SPRN: variants seen among roughly 807,000 people sequenced by gnomAD.
The protein encoded by SPRN is shadow of prion protein.
For missense variants in SPRN, 312 were observed against 241.4 expected (o/e 1.29, Z -1.94); for synonymous variants, 182 against 123.4 (o/e 1.48, Z -3.15).
rs1174834823 is a variant in SPRN at position 133,422,144 on chromosome 10, T to TG, written c.*1081dup. ...TTGGATGTTGGGGGGCTCAGCCTCT[T>TG]GCATGGGTGTCCTGCTGGGCGCTGG... On this transcript the variant is annotated 3_prime_UTR_variant, in exon 2 of 2. Transcript: ENST00000685335. 6.5e-6 allele frequency: 1 copy of TG among 152,822 alleles called. No individual in the cohort carries two copies. The highest frequency in any genetic ancestry group is 1.5e-5 in the Non-Finnish European group (1 of 68,434). The allele number at this position is 152,822 out of a possible 1,614,324, so 9.5% of individuals were successfully genotyped here.
At chr10:133,424,337 A>AGC (rs1431412198) in intron 1 of SPRN, 136 bp downstream of exon 1, 4 of 143,048 alleles carry the variant, frequency 2.8e-5, no homozygotes, top group African/African-American at 8.3e-5. Context: ...CGCCTAGTTC[A>AGC]GCAGCTGGCT....
rs1362089168 is a variant in SPRN, at chr10:133,421,443, C to G, written c.*1783G>C. ...CAAAGTTGAGGGGGCTCCGGTGGGTCTCTCTGCTGTGAGGAGACTCAGACC... is the reference window on the plus strand; with the variant it reads ...CAAAGTTGAGGGGGCTCCGGTGGGTGTCTCTGCTGTGAGGAGACTCAGACC... On this transcript the variant is annotated 3_prime_UTR_variant, in exon 2 of 2. Coordinates refer to ENST00000685335, the MANE Select transcript of SPRN (RefSeq NM_001391974.1). The G allele has an allele frequency of 2.6e-5, 4 of 153,012 alleles. No individual in the cohort carries two copies. The highest frequency in any genetic ancestry group is 1.9e-4 in the East Asian group (1 of 5,190). 9.5% of individuals were successfully genotyped at this position (153,012 alleles called of 1,614,324 possible). A position where few individuals can be genotyped will look rare whatever the true frequency, so the allele number is the denominator to read the frequency against.
Position 133,421,533 on chromosome 10 carries a change from T to C in SPRN, c.*1693A>G, listed in dbSNP as rs1850235815. 1 of 153,112 alleles carries C rather than the reference T, an allele frequency of 6.5e-6. No homozygotes were observed. Among genetic ancestry groups the C allele is most frequent in the African/African-American group, 2.4e-5 (1 of 41,580 alleles). 9.5% of individuals were successfully genotyped at this position (153,112 alleles called of 1,614,324 possible). A position where few individuals can be genotyped will look rare whatever the true frequency, so the allele number is the denominator to read the frequency against. On this transcript the variant is annotated 3_prime_UTR_variant, in exon 2 of 2. Transcript: ENST00000685335. Reference sequence around the variant, plus strand: ...TGCCTATGAGGATCTGGGGCAGGGCTTGGCCTTGGCCTGCTGGTCTTGGAG... The same window carrying C: ...TGCCTATGAGGATCTGGGGCAGGGCCTGGCCTTGGCCTGCTGGTCTTGGAG...
In SPRN at chr10:133,423,480, C is replaced by T. The variant is rs1228427994; in HGVS notation, c.202G>A (p.Ala68Thr). 2.6e-6 allele frequency: 3 copies of T among 1,158,596 alleles called. No individual in the cohort carries two copies. The highest frequency in any genetic ancestry group is 9.6e-5 in the Admixed American group (2 of 20,734). 71.8% of individuals were successfully genotyped at this position (1,158,596 alleles called of 1,614,324 possible). A position where few individuals can be genotyped will look rare whatever the true frequency, so the allele number is the denominator to read the frequency against. The change falls in exon 2 of 2, where the codon GCC becomes ACC. Residue 68 changes from alanine (A) to threonine (T), a missense_variant. Physicochemically the swap from Ala to Thr is moderately conservative, Grantham distance 58. Coordinates refer to ENST00000685335, the MANE Select transcript of SPRN (RefSeq NM_001391974.1). The part of the protein sequence containing the change: ...GAPGSSLRVA[A>T]AGAAAGAAAG... ...GCCGCCCCGGCTGCCGCCCCGGCGG[C>T]AGCCACGCGCAGGGAGGAGCCCGGG...
rs75557166 is a variant in SPRN at position 133,423,686 on chromosome 10, G to C, written c.-5C>G. 6.4e-7 allele frequency: 1 copy of C among 1,561,166 alleles called. No homozygotes were observed. The highest frequency in any genetic ancestry group is 8.7e-7 in the Non-Finnish European group (1 of 1,155,910). ...CGTTGCGGGTGCCCAGTTCATCTTCGTGGGGCTAAACCTGCGGGAAGAGAG... is the reference window on the plus strand; with the variant it reads ...CGTTGCGGGTGCCCAGTTCATCTTCCTGGGGCTAAACCTGCGGGAAGAGAG... On this transcript the variant is annotated 5_prime_UTR_variant, in exon 2 of 2. Coordinates refer to ENST00000685335, the MANE Select transcript of SPRN (RefSeq NM_001391974.1).
In SPRN at chr10:133,424,567, T is replaced by G. The variant is rs1437996280; in HGVS notation, c.-111A>C. ...AGCGGGCGGGCGGCGGCGCGGACCC[T>G]CAGCCGGAGCGCGGAGCCGCGGCGC... On this transcript the variant is annotated 5_prime_UTR_variant, in exon 1 of 2. Transcript: ENST00000685335. The G allele has an allele frequency of 1.4e-5, 2 of 139,710 alleles. No individual in the cohort carries two copies. Among genetic ancestry groups the G allele is most frequent in the Non-Finnish European group, 3.0e-5 (2 of 66,272 alleles). The allele number at this position is 139,710 out of a possible 1,614,324, so 8.7% of individuals were successfully genotyped here.
Position 133,423,504 on chromosome 10 carries a change from G to A in SPRN, c.178C>T (p.Pro60Ser). The A allele has an allele frequency of 3.4e-6, 4 of 1,173,222 alleles. No homozygotes were observed. The highest frequency in any genetic ancestry group is 4.2e-6 in the Non-Finnish European group (4 of 953,620). 72.7% of individuals were successfully genotyped at this position (1,173,222 alleles called of 1,614,324 possible). ...GCAGCCACGCGCAGGGAGGAGCCCG[G>A]GGCACCGTAGCGCTGCGCCGGCCTC... ...RVRPAQRYGA[P>S]GSSLRVAAAG... is the part of the protein sequence containing the mutation. The change falls in exon 2 of 2, where the codon CCG (proline) becomes TCG (serine). Residue 60 changes from proline to serine, a missense_variant. Transcript: ENST00000685335.
intron 1 of SPRN, among the ~76,000 whole-genome samples, chr10:133,423,987 T>G (rs1299746945): frequency 2.1e-3 from 9 of 4,238 alleles, no homozygotes; most frequent in East Asian, 0.018. Context: ...TTCAGGCCTC[T>G]GGGGGCGTCC....
chr10:133,423,974 G>A (rs1850311705), intron 1 of SPRN, among the ~76,000 whole-genome samples: 1 of 130,960 alleles, frequency 7.6e-6, no homozygotes, highest in Non-Finnish European at 1.7e-5. Context: ...CGGGGCAGGA[G>A]CGTTCAGGCC....
In SPRN at chr10:133,423,640, C is replaced by T. The variant is rs779497630; in HGVS notation, c.42G>A (p.Ala14=). The T allele has an allele frequency of 1.9e-6, 3 of 1,582,050 alleles. No homozygotes were observed. Among genetic ancestry groups the T allele is most frequent in the Admixed American group, 1.7e-5 (1 of 57,798 alleles). The part of the protein sequence containing the change: ...APATCWALLL[A]AAFLCDSGAA... ...CGCCGCTGTCGCAGAGGAAGGCGGC[C>T]GCCAGTAGCAGAGCCCAGCACGTTG... The change falls in exon 2 of 2, where the codon GCG becomes GCA. Residue 14 remains alanine, a synonymous_variant. Transcript: ENST00000685335.
Position 133,423,598 on chromosome 10 carries a change from G to T in SPRN, c.84C>A (p.Arg28=). The T allele has an allele frequency of 6.7e-7, 1 of 1,503,358 alleles. No individual in the cohort carries two copies. Among genetic ancestry groups the T allele is most frequent in the Non-Finnish European group, 8.9e-7 (1 of 1,129,848 alleles). The allele number at this position is 1,503,358 out of a possible 1,614,324, so 93.1% of individuals were successfully genotyped here. A position where few individuals can be genotyped will look rare whatever the true frequency, so the allele number is the denominator to read the frequency against. The change falls in exon 2 of 2, where the codon CGC becomes CGA. Residue 28 remains arginine, a synonymous_variant. Coordinates refer to ENST00000685335, the MANE Select transcript of SPRN (RefSeq NM_001391974.1). ...LCDSGAAKGG[R]GGARGSARGG... ...CCCGGGCACTGCCCCGCGCACCTCC[G>T]CGGCCGCCCTTGGCTGCGCCGCTGT...
chr10:133,423,947 G>C lies in SPRN; in HGVS notation c.-16-250C>G, dbSNP rs1850311136. On this transcript the variant is annotated intron_variant, in intron 1 of 1. Coordinates refer to ENST00000685335, the MANE Select transcript of SPRN (RefSeq NM_001391974.1). ...TCTGCACCTGAAGGTTGTGCACCTGGATTGGGGGTGTAGAAGCGGGGCAGG... is the reference window on the plus strand; with the variant it reads ...TCTGCACCTGAAGGTTGTGCACCTGCATTGGGGGTGTAGAAGCGGGGCAGG... Among the ~76,000 whole-genome samples the C allele has an allele frequency of 2.0e-5, 3 of 150,706 alleles. No homozygotes were observed. The South Asian group carries it at 6.3e-4, about 32-fold the overall frequency.
Position 133,423,207 on chromosome 10 carries a change from T to C in SPRN, c.*19A>G. On this transcript the variant is annotated 3_prime_UTR_variant, in exon 2 of 2. Coordinates refer to ENST00000685335, the MANE Select transcript of SPRN (RefSeq NM_001391974.1). ...GGCGCGGGCCGGGGGCCAGATGTGG[T>C]CCCCGAGCCCAGCCAGGCCTAGGGC... 2.9e-6 allele frequency: 4 copies of C among 1,401,098 alleles called. No individual in the cohort carries two copies. Among genetic ancestry groups the C allele is most frequent in the Non-Finnish European group, 3.7e-6 (4 of 1,076,562 alleles). The allele number at this position is 1,401,098 out of a possible 1,614,324, so 86.8% of individuals were successfully genotyped here. A position where few individuals can be genotyped will look rare whatever the true frequency, so the allele number is the denominator to read the frequency against.
At chr10:133,423,841 G>A in intron 1 of SPRN, 144 bp from the exon 2 acceptor site, 1 of 472,640 alleles carries the variant, frequency 2.1e-6, no homozygotes, top group African/African-American at 2.9e-5. Context: ...ACTGAGGCCT[G>A]GGGGGGCGCG....
At chr10:133,423,720 C>A in intron 1 of SPRN, 23 bp from the exon 2 acceptor site, 2 of 1,480,106 alleles carry the variant, frequency 1.4e-6, no homozygotes, top group Non-Finnish European at 1.8e-6. Context: ...AGGGAAAGGG[C>A]CCTTAGTTTC....
rs1405770274 is a variant in SPRN, at chr10:133,423,478, GGCAGCC to G, written c.198_203del (p.Ala68_Ala69del). 6.9e-6 allele frequency: 8 copies of G among 1,160,462 alleles called. No homozygotes were observed. In the East Asian group the frequency reaches 3.3e-4, roughly 47 times the overall value. 71.9% of individuals were successfully genotyped at this position (1,160,462 alleles called of 1,614,324 possible). A position where few individuals can be genotyped will look rare whatever the true frequency, so the allele number is the denominator to read the frequency against. ...CCGCCGCCCCGGCTGCCGCCCCGGCGGCAGCCACGCGCAGGGAGGAGCCCGGGGCAC... is the reference window on the plus strand; with the variant it reads ...CCGCCGCCCCGGCTGCCGCCCCGGCGACGCGCAGGGAGGAGCCCGGGGCAC... On this transcript the variant is annotated inframe_deletion, in exon 2 of 2. Transcript: ENST00000685335.
chr10:133,423,268 C>T lies in SPRN; in HGVS notation c.414G>A (p.Val138=), dbSNP rs767005740. The change falls in exon 2 of 2, where the codon GTG becomes GTA. Residue 138 remains valine (V), a synonymous_variant. Transcript: ENST00000685335. ...GPTRGPRLCL[V]LGGALGALGL... Reference sequence around the variant, plus strand: ...CCAGGGCTCCGAGGGCGCCGCCCAGCACGAGACAGAGACGCGGGCCGCGCG... The same window carrying T: ...CCAGGGCTCCGAGGGCGCCGCCCAGTACGAGACAGAGACGCGGGCCGCGCG... 2.0e-6 allele frequency: 3 copies of T among 1,502,878 alleles called. No individual in the cohort carries two copies. The highest frequency in any genetic ancestry group is 2.7e-6 in the Non-Finnish European group (3 of 1,129,762). 93.1% of individuals were successfully genotyped at this position (1,502,878 alleles called of 1,614,324 possible).
chr10:133,423,493 G>C lies in SPRN; in HGVS notation c.189C>G (p.Ser63=), dbSNP rs1850298895. The change falls in exon 2 of 2, where the codon TCC becomes TCG. Residue 63 remains serine, a synonymous_variant. Transcript: ENST00000685335. ...CCGCCCCGGCGGCAGCCACGCGCAG[G>C]GAGGAGCCCGGGGCACCGTAGCGCT... The part of the protein sequence containing the change: ...PAQRYGAPGS[S]LRVAAAGAAA... The C allele has an allele frequency of 8.6e-7, 1 of 1,164,310 alleles. No homozygotes were observed. Among genetic ancestry groups the C allele is most frequent in the African/African-American group, 1.6e-5 (1 of 61,164 alleles). The allele number at this position is 1,164,310 out of a possible 1,614,324, so 72.1% of individuals were successfully genotyped here. A position where few individuals can be genotyped will look rare whatever the true frequency, so the allele number is the denominator to read the frequency against.
chr10:133,421,900 C>CGGGGGGGGGGGGGGGGGGGGGG lies in SPRN; in HGVS notation c.*1325_*1326insCCCCCCCCCCCCCCCCCCCCCC, dbSNP rs147046336. ...TGGAGAGGGTGAGATCCCAAGGCCACGGCGGGGGGCAGGGAGAACCCCTCC... is the reference window on the plus strand; with the variant it reads ...TGGAGAGGGTGAGATCCCAAGGCCACGGGGGGGGGGGGGGGGGGGGGGGGCGGGGGGCAGGGAGAACCCCTCC... On this transcript the variant is annotated 3_prime_UTR_variant, in exon 2 of 2. Coordinates refer to ENST00000685335, the MANE Select transcript of SPRN (RefSeq NM_001391974.1). The CGGGGGGGGGGGGGGGGGGGGGG allele has an allele frequency of 8.6e-6, 1 of 115,862 alleles. No individual in the cohort carries two copies. The highest frequency in any genetic ancestry group is 1.0e-4 in the Admixed American group (1 of 9,760). 7.2% of individuals were successfully genotyped at this position (115,862 alleles called of 1,614,324 possible).
Sources: allele counts gnomAD v4.1 joint callset (sites outside exome capture counted in the v4.1 genomes callset), GRCh38; gene constraint gnomAD v4.1.1; transcripts MANE v1.5; gene names NCBI Gene and HGNC (gene_info 2026-07-23, HGNC 2026-07-21).